PKHD1L1: variants seen among roughly 807,000 people sequenced by gnomAD.
The protein encoded by PKHD1L1 is fibrocystin-L.
In PKHD1L1, 434 loss-of-function variants were observed where a neutral mutation model predicts 462.9. The observed-to-expected ratio is 0.94, with a 90% CI of 0.87 to 1.02. PKHD1L1 has a LOEUF of 1.02. Ranked by LOEUF, PKHD1L1 falls within the 50% of genes least tolerant of loss-of-function variation. The pLI is 0.00. For synonymous variants in PKHD1L1, 1,781 were observed against 1,750.0 expected, an observed-to-expected ratio of 1.02 and a Z score of -0.44; for missense variants, 5,202 against 5,096.1, an observed-to-expected ratio of 1.02 and a Z score of -0.63.
At chr8:109,437,376 G>A (rs1462546474) in intron 30 of PKHD1L1, among the ~76,000 whole-genome samples, 1 of 151,712 alleles carries the variant, frequency 6.6e-6, no homozygotes, top group South Asian at 2.1e-4. Context: ...AAGTTTTAGG[G>A]TACATGTGCA....
At chr8:109,455,770 A>G (rs1464801776) in intron 45 of PKHD1L1, among the ~76,000 whole-genome samples, 1 of 152,194 alleles carries the variant, frequency 6.6e-6, no homozygotes, top group Non-Finnish European at 1.5e-5. Context: ...TCCACATTGC[A>G]ATAATCTATC....
In PKHD1L1 at chr8:109,485,025, G is replaced by A. The variant is rs898115433; in HGVS notation, c.9577-19G>A. ...ATTTTTAAAATTGTTCTTAAATTTG[G>A]CACTTGAATTTTTCTAAGGAGGGAG... On this transcript the variant is annotated intron_variant, in intron 57 of 77. Transcript: ENST00000378402. 6.4e-7 allele frequency: 1 copy of A among 1,553,288 alleles called. No individual in the cohort carries two copies. Among genetic ancestry groups the A allele is most frequent in the Middle Eastern group, 1.7e-4 (1 of 5,756 alleles).
Position 109,381,425 on chromosome 8 carries a change from CAG to C in PKHD1L1, c.220_221del (p.Ser74CysfsTer13). 2 of 1,583,960 alleles carry C rather than the reference CAG, an allele frequency of 1.3e-6. No homozygotes were observed. Among genetic ancestry groups the C allele is most frequent in the Admixed American group, 1.8e-5 (1 of 55,736 alleles). On this transcript the variant is annotated frameshift_variant, in exon 3 of 78. Transcript: ENST00000378402. LOFTEE classifies it high-confidence loss of function. ...GAGTTGATAACGCTGAGTTGGGAAA[CAG>C]TGTGCAATTAATTTCTTCTTTCCAG... ...YGVDNAELGNSVQLISSFQSI... is the reference protein window; with the variant it reads ...YGVDNAELGNXVQLISSFQSI...
rs370587449 is a variant in PKHD1L1 at position 109,451,117 on chromosome 8, C to A, written c.6318C>A (p.Gly2106=). 6 of 1,611,732 alleles carry A rather than the reference C, an allele frequency of 3.7e-6. No individual in the cohort carries two copies. The African/African-American group carries it at 5.3e-5, about 14-fold the overall frequency. Residue 2106 remains glycine, a synonymous_variant, in exon 41 of 78, where the codon GGC becomes GGA. Transcript: ENST00000378402. ...VSPKRGSTAG[G]TRLTVVGSGF... ...CTAAGAGAGGCAGTACAGCAGGGGG[C>A]ACCAGACTGACAGTCGTGGGATCAG...
intron 70 of PKHD1L1, among the ~76,000 whole-genome samples, chr8:109,508,760 C>G (rs1432274472): frequency 6.6e-6 from 1 of 152,074 alleles, no homozygotes; most frequent in Non-Finnish European, 1.5e-5. Context: ...TTTTTCGTCT[C>G]TAATTCCTTT....
intron 27 of PKHD1L1, 25 bp downstream of exon 27, chr8:109,430,062 A>G (rs1217077960): frequency 6.9e-7 from 1 of 1,457,986 alleles, no homozygotes; most frequent in Non-Finnish European, 9.5e-7. Context: ...TTTAACCTAT[A>G]CTGGGTGTGA....
intron 9 of PKHD1L1, among the ~76,000 whole-genome samples, chr8:109,393,812 C>G (rs1358090656): frequency 6.6e-6 from 1 of 152,178 alleles, no homozygotes; most frequent in East Asian, 1.9e-4. Flanking sequence ...CTGGGGCGGT[C>G]AGCGGAAGAT....
intron 6 of PKHD1L1, among the ~76,000 whole-genome samples, chr8:109,385,924 T>C (rs1359650184): frequency 3.3e-5 from 5 of 152,226 alleles, no homozygotes; most frequent in Non-Finnish European, 7.3e-5. Flanking sequence ...GTTATAGTCA[T>C]ACAACTTTAT....
At chr8:109,470,044 A>G (rs1261583517) in intron 50 of PKHD1L1, 3 of 397,306 alleles carry the variant, frequency 7.6e-6, no homozygotes, top group African/African-American at 6.2e-5. Flanking sequence ...TTATTAAAAC[A>G]TGATTTAAGA....
At chr8:109,452,034 TGCAATAATAC>T in intron 41 of PKHD1L1, 80 bp from the exon 42 acceptor site, 2 of 1,186,296 alleles carry the variant, frequency 1.7e-6, no homozygotes, top group African/African-American at 3.2e-5. Flanking sequence ...ATTTTTTTTT[TGCAATAATAC>T]ATAGGAATAA....
intron 33 of PKHD1L1, 75 bp downstream of exon 33, chr8:109,440,927 T>C (rs1313829677): frequency 6.8e-7 from 1 of 1,465,718 alleles, no homozygotes; most frequent in Admixed American, 2.2e-5. Context: ...GCTGAGTTAT[T>C]ATATGAATAT....
At position 109,482,335 on chromosome 8, in the gene PKHD1L1, G is replaced by A. The variant is rs1312826700; in HGVS notation, c.9458-652G>A. ...AATTCAATCTTAAAAAAAAGTATGT[G>A]CTTTTTATTTCAAAAGTAACACTTT... On this transcript the variant is annotated intron_variant, in intron 56 of 77. Coordinates refer to ENST00000378402, the MANE Select transcript of PKHD1L1 (RefSeq NM_177531.6). 4.0e-5 allele frequency among the ~76,000 whole-genome samples: 6 copies of A among 151,688 alleles called. 1 individual carries two copies. The highest frequency in any genetic ancestry group is 7.3e-5 in the African/African-American group (3 of 41,368).
chr8:109,397,492 G>A (rs1277416925), intron 11 of PKHD1L1, among the ~76,000 whole-genome samples: 1 of 151,798 alleles, frequency 6.6e-6, no homozygotes, highest in Non-Finnish European at 1.5e-5. Context: ...ACTAGGTAAT[G>A]CAGAGAGATC....
chr8:109,493,169 C>T (rs974933701), intron 62 of PKHD1L1, among the ~76,000 whole-genome samples: 3 of 148,402 alleles, frequency 2.0e-5, no homozygotes, highest in Non-Finnish European at 4.5e-5. Context: ...CTGTCTCTCT[C>T]TCTCCATATA....
At chr8:109,466,230 G>A (rs1817432826) in intron 49 of PKHD1L1, among the ~76,000 whole-genome samples, 1 of 152,104 alleles carries the variant, frequency 6.6e-6, no homozygotes, top group South Asian at 2.1e-4. Flanking sequence ...ATGTTAATTG[G>A]TAGTCTACTA....
chr8:109,535,203 CAA>C lies in PKHD1L1; in HGVS notation c.*5124_*5125del, dbSNP rs201422380. Among the ~76,000 whole-genome samples the C allele has an allele frequency of 7.0e-6, 1 of 143,274 alleles. No homozygotes were observed. The highest frequency in any genetic ancestry group is 2.6e-5 in the African/African-American group (1 of 38,962). 94.0% of individuals were successfully genotyped at this position (143,274 alleles called of 152,430 possible). A position where few individuals can be genotyped will look rare whatever the true frequency, so the allele number is the denominator to read the frequency against. On this transcript the variant is annotated 3_prime_UTR_variant, in exon 78 of 78. Transcript: ENST00000378402. ...TGGTAATGGGCTCTGTGCCTATGAGCAAAAAAAAAAAATTCCTTTTGTGCAAG... is the reference window on the plus strand; with the variant it reads ...TGGTAATGGGCTCTGTGCCTATGAGCAAAAAAAAAATTCCTTTTGTGCAAG...
Position 109,510,890 on chromosome 8 carries a change from C to A in PKHD1L1, c.11509C>A (p.Pro3837Thr), listed in dbSNP as rs758332120. 1.9e-6 allele frequency: 3 copies of A among 1,613,286 alleles called. No homozygotes were observed. The highest frequency in any genetic ancestry group is 2.5e-6 in the Non-Finnish European group (3 of 1,179,472). ...TGAAGTTTACTTCACTGGCACCAGT[C>A]CTCAGAATCTTCGACTGATGTTGCT... ...SYEVYFTGTS[P>T]QNLRLMLLNV... Residue 3837 changes from proline (P) to threonine (T), a missense_variant, in exon 71 of 78, where the codon CCT becomes ACT. Around this residue, in one of 3 missense-constraint regions of PKHD1L1, gnomAD observed 698 missense variants for 736.3 expected, o/e 0.95. Transcript: ENST00000378402.
Position 109,408,231 on chromosome 8 carries a change from A to G in PKHD1L1, c.1971+25A>G, listed in dbSNP as rs534745944. The G allele has an allele frequency of 1.4e-5, 22 of 1,598,634 alleles. No individual in the cohort carries two copies. The East Asian group carries it at 3.6e-4, about 26-fold the overall frequency. On this transcript the variant is annotated intron_variant, in intron 18 of 77. Transcript: ENST00000378402. ...AGTACGGTGTAGGAATGTTTCTACC[A>G]CGCATTTTCCCTGCACCCTCTCACA...
Position 109,454,322 on chromosome 8 carries a change from G to A in PKHD1L1, c.6744+76G>A, listed in dbSNP as rs1816700468. 16 of 975,928 alleles carry A rather than the reference G, an allele frequency of 1.6e-5. No homozygotes were observed. The East Asian group carries it at 4.3e-4, about 27-fold the overall frequency. 60.5% of individuals were successfully genotyped at this position (975,928 alleles called of 1,614,324 possible). ...TTTTTTAAATACTATGTGTAAAATG[G>A]ATAGTTAATTATATCAACCTCTCCT... On this transcript the variant is annotated intron_variant, in intron 44 of 77. Coordinates refer to ENST00000378402, the MANE Select transcript of PKHD1L1 (RefSeq NM_177531.6).
Sources: allele counts gnomAD v4.1 joint callset (sites outside exome capture counted in the v4.1 genomes callset), GRCh38; gene constraint gnomAD v4.1.1; regional missense constraint gnomAD v4.1.1; transcripts MANE v1.5; gene names NCBI Gene and HGNC (gene_info 2026-07-23, HGNC 2026-07-21).